TBC1D12: variants seen among roughly 807,000 people sequenced by gnomAD.
TBC1D12 encodes the protein TBC1 domain family, member 12.
In TBC1D12, 56 loss-of-function variants were observed where a neutral mutation model predicts 86.7. That is an observed-to-expected ratio of 0.65 (90% CI 0.52 to 0.81). The LOEUF (loss-of-function observed/expected upper bound fraction) is 0.81. Ranked by LOEUF, TBC1D12 falls within the 30% of genes least tolerant of loss-of-function variation. The pLI is 0.00. For synonymous variants in TBC1D12, 421 were observed against 411.7 expected (o/e 1.02, Z -0.27); for missense variants, 1,023 against 1,038.8 (o/e 0.98, Z 0.21).
intron 2 of TBC1D12, among the ~76,000 whole-genome samples, chr10:94,459,164 A>G (rs2055682445): frequency 6.6e-6 from 1 of 152,136 alleles, no homozygotes; most frequent in Non-Finnish European, 1.5e-5. Flanking sequence ...TGGTGCATTT[A>G]CAAACCTTGA....
chr10:94,516,525 G>A lies in TBC1D12; in HGVS notation c.1761+4871G>A, dbSNP rs570443278. Among the ~76,000 whole-genome samples the A allele has an allele frequency of 3.3e-5, 5 of 150,992 alleles. No homozygotes were observed. In the East Asian group the frequency reaches 5.9e-4, roughly 18 times the overall value. On this transcript the variant is annotated intron_variant, in intron 9 of 12. Transcript: ENST00000225235. ...GTTGGTGTGCTGCACCCATTAACTC[G>A]TCATTTACATTAGGTATATCTCCTA...
Position 94,497,113 on chromosome 10 carries a change from A to C in TBC1D12, c.1353A>C (p.Glu451Asp). Residue 451 changes from glutamate (E) to aspartate (D), a missense_variant, in exon 5 of 13, where the codon GAA (glutamate) becomes GAC (aspartate). Transcript: ENST00000225235. ...TGAAAGAACGATTTAAGCAGGAAGA[A>C]AATATTGCAAGTGCAATGGTAATTT... is the stretch of plus-strand genomic sequence containing the variant. Reference protein sequence around the residue: ...RIMKERFKQEENIASAMVIWI... With the variant: ...RIMKERFKQEDNIASAMVIWI... 1.3e-6 allele frequency: 2 copies of C among 1,569,028 alleles called. No homozygotes were observed. Among genetic ancestry groups the C allele is most frequent in the Non-Finnish European group, 1.7e-6 (2 of 1,164,492 alleles).
At chr10:94,451,045 G>T in intron 2 of TBC1D12, among the ~76,000 whole-genome samples, 1 of 152,000 alleles carries the variant, frequency 6.6e-6, no homozygotes, top group East Asian at 1.9e-4. Flanking sequence ...GGTGGGGAGT[G>T]CATGTTAGGG....
intron 3 of TBC1D12, among the ~76,000 whole-genome samples, chr10:94,480,702 A>G (rs2056064917): frequency 6.7e-6 from 1 of 150,006 alleles, no homozygotes; most frequent in Non-Finnish European, 1.5e-5. Context: ...AAAAATATAT[A>G]TATATGTTTA....
chr10:94,458,522 A>T (rs965543475), intron 2 of TBC1D12, among the ~76,000 whole-genome samples: 1 of 152,174 alleles, frequency 6.6e-6, no homozygotes, highest in Admixed American at 6.5e-5. Flanking sequence ...CCTGACCAAC[A>T]TGGTGAAACT....
intron 1 of TBC1D12, among the ~76,000 whole-genome samples, chr10:94,422,489 G>C (rs1589605492): frequency 6.6e-6 from 1 of 151,348 alleles, no homozygotes; most frequent in South Asian, 2.1e-4. Flanking sequence ...CGCCCGGCTG[G>C]GTTCATGTAG....
chr10:94,479,230 T>A (rs2056040860), intron 3 of TBC1D12, among the ~76,000 whole-genome samples: 2 of 152,186 alleles, frequency 1.3e-5, no homozygotes, highest in African/African-American at 4.8e-5. Flanking sequence ...TGCTCTGGGA[T>A]GTAGAAGCAA....
intron 1 of TBC1D12, among the ~76,000 whole-genome samples, chr10:94,440,976 A>G (rs2055372374): frequency 6.6e-6 from 1 of 152,094 alleles, no homozygotes; most frequent in African/African-American, 2.4e-5. Flanking sequence ...CAGCTTCCCG[A>G]GTAGCTGGAA....
chr10:94,426,817 C>G (rs1183195166), intron 1 of TBC1D12, among the ~76,000 whole-genome samples: 1 of 152,142 alleles, frequency 6.6e-6, no homozygotes, highest in East Asian at 1.9e-4. Context: ...ACCTCTTGAT[C>G]CACCCACTTC....
At chr10:94,403,726 A>C (rs1180332336) in intron 1 of TBC1D12, 142 bp downstream of exon 1, 5 of 1,066,706 alleles carry the variant, frequency 4.7e-6, no homozygotes, top group Non-Finnish European at 5.0e-6. Context: ...ACGCGTCAGG[A>C]CTTAGCTTTG....
At chr10:94,403,989 G>T (rs565306425) in intron 1 of TBC1D12, among the ~76,000 whole-genome samples, 1 of 152,148 alleles carries the variant, frequency 6.6e-6, no homozygotes, top group African/African-American at 2.4e-5. Context: ...AGGTTGTTGG[G>T]GGGGTGGTGA....
intron 2 of TBC1D12, among the ~76,000 whole-genome samples, chr10:94,451,060 A>C (rs965421340): frequency 1.3e-5 from 2 of 151,952 alleles, no homozygotes; most frequent in African/African-American, 4.8e-5. Flanking sequence ...TTAGGGAGAG[A>C]TTTGTTAAAG....
At chr10:94,518,153 T>C (rs1356134007) in intron 9 of TBC1D12, among the ~76,000 whole-genome samples, 1 of 151,894 alleles carries the variant, frequency 6.6e-6, no homozygotes, top group Non-Finnish European at 1.5e-5. Context: ...TGTACTGCAA[T>C]TGCTGTTCTC....
intron 2 of TBC1D12, among the ~76,000 whole-genome samples, chr10:94,458,958 A>C (rs931520421): frequency 2.0e-5 from 3 of 152,114 alleles, no homozygotes; most frequent in African/African-American, 7.2e-5. Flanking sequence ...GAAAAAACAA[A>C]GCTTCCACAG....
At chr10:94,436,626 A>G (rs189604413) in intron 1 of TBC1D12, among the ~76,000 whole-genome samples, 20 of 152,252 alleles carry the variant, frequency 1.3e-4, no homozygotes, top group Admixed American at 1.2e-3. Flanking sequence ...ATGTGGTTCA[A>G]TAATGTATCA....
chr10:94,403,616 G>T (rs2054804730), intron 1 of TBC1D12, 32 bp downstream of exon 1: 8 of 1,423,030 alleles, frequency 5.6e-6, no homozygotes, highest in Non-Finnish European at 6.4e-6. Flanking sequence ...ACTCGGGGCG[G>T]GTCCGGGGCC....
intron 5 of TBC1D12, among the ~76,000 whole-genome samples, chr10:94,497,560 C>T (rs1225602914): frequency 6.8e-6 from 1 of 148,070 alleles, no homozygotes; most frequent in East Asian, 2.0e-4. Context: ...CGCTCTGTCA[C>T]CCAGGCTGGA....
At chr10:94,449,004 C>T (rs1182915994) in intron 2 of TBC1D12, among the ~76,000 whole-genome samples, 1 of 151,942 alleles carries the variant, frequency 6.6e-6, no homozygotes, top group East Asian at 1.9e-4. Context: ...ATTTCTGGGC[C>T]TATGCTTCTG....
At chr10:94,412,293 A>G (rs1194137103) in intron 1 of TBC1D12, among the ~76,000 whole-genome samples, 3 of 152,264 alleles carry the variant, frequency 2.0e-5, no homozygotes, top group African/African-American at 4.8e-5. Context: ...CAAGACTACT[A>G]TAACACCTTC....
Sources: gnomAD v4.1 joint callset for allele counts (sites outside exome capture counted in the v4.1 genomes callset) on GRCh38, gnomAD v4.1.1 for gene constraint, MANE v1.5 for transcripts, NCBI Gene and HGNC (gene_info 2026-07-23, HGNC 2026-07-21) for gene names.